Variants in PLSCR1 observed in about 807,000 individuals in gnomAD.
The protein encoded by PLSCR1 is phospholipid scramblase 1.
Under a neutral mutation model 37.8 loss-of-function variants are expected in PLSCR1, and 17 were observed. The observed-to-expected ratio is 0.45, with a 90% CI of 0.31 to 0.68. The LOEUF is 0.68. Ranked by LOEUF, PLSCR1 falls within the 30% of genes least tolerant of loss-of-function variation. The probability of loss-of-function intolerance (pLI) is 0.06; values close to 1 mark genes in which losing one functional copy is unlikely to be tolerated. For missense variants in PLSCR1, 347 were observed against 380.9 expected (o/e 0.91, Z 0.74); for synonymous variants, 116 against 125.9 (o/e 0.92, Z 0.53).
chr3:146,533,443 T>G, intron 3 of PLSCR1, 27 bp downstream of exon 3: 4 of 1,382,296 alleles, frequency 2.9e-6, no homozygotes, highest in East Asian at 2.3e-5. Context: ...TTAATTTTAC[T>G]TTTTCTTCTT....
rs1576796397 is a variant in PLSCR1, at chr3:146,536,622, A to G, written c.-13-57T>C. On this transcript the variant is annotated intron_variant, in intron 1 of 8. Transcript: ENST00000342435. ...TCTACAAGGCCACAAGTCAAATATA[A>G]CAGTTGAATCGGGATACTCTAAAAC... 32 of 1,002,742 alleles carry G rather than the reference A, an allele frequency of 3.2e-5. No individual in the cohort carries two copies. In the South Asian group the frequency reaches 4.2e-4, roughly 13 times the overall value. 62.1% of individuals were successfully genotyped at this position (1,002,742 alleles called of 1,614,324 possible).
intron 2 of PLSCR1, among the ~76,000 whole-genome samples, chr3:146,535,554 TC>T (rs573227987): frequency 6.6e-6 from 1 of 152,310 alleles, no homozygotes; most frequent in East Asian, 1.9e-4. Context: ...ACACATTTAT[TC>T]ACACACATAT....
At chr3:146,534,601 T>C (rs1269221169) in intron 2 of PLSCR1, among the ~76,000 whole-genome samples, 2 of 152,062 alleles carry the variant, frequency 1.3e-5, no homozygotes, top group Admixed American at 6.5e-5. Flanking sequence ...AATAGCTTCA[T>C]GATGACTTCA....
intron 7 of PLSCR1, among the ~76,000 whole-genome samples, chr3:146,518,124 G>A (rs1353936994): frequency 6.6e-6 from 1 of 151,994 alleles, no homozygotes; most frequent in Non-Finnish European, 1.5e-5. Context: ...CCTTCTGTAG[G>A]GCCAGTATAC....
chr3:146,530,877 A>C (rs1217297055), intron 3 of PLSCR1, among the ~76,000 whole-genome samples: 1 of 152,206 alleles, frequency 6.6e-6, no homozygotes, highest in Admixed American at 6.5e-5. Context: ...TATCTTACAA[A>C]ATTTTCAGGA....
Position 146,525,635 on chromosome 3 carries a change from G to T in PLSCR1, c.325C>A (p.Leu109Met). The change falls in exon 5 of 9, where the codon CTG (leucine) becomes ATG (methionine). Residue 109 changes from leucine to methionine, a missense_variant. Leu to Met is a conservative substitution (Grantham distance 15). Coordinates refer to ENST00000342435, the MANE Select transcript of PLSCR1 (RefSeq NM_021105.3). ...LEYLSQIDQI[L>M]IHQQIELLEV... is the part of the protein sequence containing the mutation. The stretch of plus-strand genomic sequence containing the variant: ...AGAAGTTCAATTTGCTGATGAATCA[G>T]TATCTGATCTATCTATAGCAGGAAA... The T allele has an allele frequency of 6.6e-7, 1 of 1,505,136 alleles. No homozygotes were observed. The allele number at this position is 1,505,136 out of a possible 1,614,324, so 93.2% of individuals were successfully genotyped here.
intron 7 of PLSCR1, among the ~76,000 whole-genome samples, chr3:146,518,856 A>G (rs1008749264): frequency 6.6e-6 from 1 of 152,198 alleles, no homozygotes; most frequent in Non-Finnish European, 1.5e-5. Context: ...TTTGGAAATA[A>G]TAAATTGGTA....
chr3:146,528,465 A>G, intron 4 of PLSCR1, 149 bp downstream of exon 4: 1 of 655,876 alleles, frequency 1.5e-6, no homozygotes, highest in Non-Finnish European at 2.7e-6. Flanking sequence ...TTAAAATTGA[A>G]CCAGACCTAG....
chr3:146,539,692 C>T (rs1427934473), intron 1 of PLSCR1, among the ~76,000 whole-genome samples: 4 of 152,142 alleles, frequency 2.6e-5, no homozygotes, highest in African/African-American at 9.7e-5. Context: ...TATTTTTAAT[C>T]TTAAAAGATA....
chr3:146,539,786 G>T (rs1288279581), intron 1 of PLSCR1, among the ~76,000 whole-genome samples: 1 of 152,166 alleles, frequency 6.6e-6, no homozygotes, highest in African/African-American at 2.4e-5. Context: ...TAGAATTTTA[G>T]CATTTATATA....
At position 146,515,355 on chromosome 3, in the gene PLSCR1, C is replaced by T. The variant is rs1176274065; in HGVS notation, c.*690G>A. 1.3e-5 allele frequency: 2 copies of T among 151,956 alleles called. No homozygotes were observed. Among genetic ancestry groups the T allele is most frequent in the South Asian group, 4.2e-4 (2 of 4,812 alleles). The allele number at this position is 151,956 out of a possible 1,614,324, so 9.4% of individuals were successfully genotyped here. On this transcript the variant is annotated 3_prime_UTR_variant, in exon 9 of 9. Transcript: ENST00000342435. ...TAAACATTTCATGTAGAAATATTAA[C>T]TTTCAAAAGTTATAATACCAGAGTT...
At chr3:146,519,240 G>T (rs1008662875) in intron 7 of PLSCR1, among the ~76,000 whole-genome samples, 1 of 151,998 alleles carries the variant, frequency 6.6e-6, no homozygotes, top group Non-Finnish European at 1.5e-5. Flanking sequence ...TTGACCATTA[G>T]GATTGTCTGC....
At chr3:146,530,238 T>C (rs1188164496) in intron 3 of PLSCR1, among the ~76,000 whole-genome samples, 4 of 152,228 alleles carry the variant, frequency 2.6e-5, no homozygotes, top group Non-Finnish European at 5.9e-5. Flanking sequence ...TACAAATTCT[T>C]TTAAATGGAT....
chr3:146,535,074 A>G (rs974289272), intron 2 of PLSCR1, among the ~76,000 whole-genome samples: 1 of 152,084 alleles, frequency 6.6e-6, no homozygotes, highest in Non-Finnish European at 1.5e-5. Context: ...TTCTCTAGCT[A>G]ATAAGGCCCT....
chr3:146,542,007 A>G (rs2044343905), intron 1 of PLSCR1, among the ~76,000 whole-genome samples: 1 of 152,210 alleles, frequency 6.6e-6, no homozygotes, highest in Admixed American at 6.5e-5. Context: ...ACAACAGATC[A>G]CATATATGAT....
At chr3:146,529,474 G>C (rs964532069) in intron 3 of PLSCR1, among the ~76,000 whole-genome samples, 1 of 151,888 alleles carries the variant, frequency 6.6e-6, no homozygotes, top group Non-Finnish European at 1.5e-5. Context: ...AAATATTATA[G>C]TGCCACTGTT....
chr3:146,540,711 A>G (rs1353745049), intron 1 of PLSCR1: 2 of 152,148 alleles, frequency 1.3e-5, no homozygotes, highest in Non-Finnish European at 2.9e-5. Flanking sequence ...AAGCCCCAAG[A>G]TAGGGATAAA....
In PLSCR1 at chr3:146,516,162, G is replaced by C. The variant is rs77355525; in HGVS notation, c.901-61C>G. ...ACAACAAAACAGAGATCAATTATCAGATGCAGAAATACTAAGGGATCTAGT... is the reference window on the plus strand; with the variant it reads ...ACAACAAAACAGAGATCAATTATCACATGCAGAAATACTAAGGGATCTAGT... On this transcript the variant is annotated intron_variant, in intron 8 of 8. Coordinates refer to ENST00000342435, the MANE Select transcript of PLSCR1 (RefSeq NM_021105.3). 6.0e-3 allele frequency: 6,178 copies of C among 1,024,768 alleles called. 234 individuals are homozygous for C. In the Admixed American group the frequency reaches 0.072, roughly 12 times the overall value. The allele number at this position is 1,024,768 out of a possible 1,614,324, so 63.5% of individuals were successfully genotyped here.
At chr3:146,536,927 C>T (rs2044273022) in intron 1 of PLSCR1, 1 of 176,402 alleles carries the variant, frequency 5.7e-6, no homozygotes, top group South Asian at 1.8e-4. Context: ...AAAGGAAATG[C>T]TTGGTTCAGT....
Sources: gnomAD v4.1 joint callset for allele counts (sites outside exome capture counted in the v4.1 genomes callset) on GRCh38, gnomAD v4.1.1 for gene constraint, MANE v1.5 for transcripts, NCBI Gene and HGNC (gene_info 2026-07-23, HGNC 2026-07-21) for gene names.